Variants in ARID2 observed in about 807,000 individuals in gnomAD.
ARID2 encodes the protein AT-rich interaction domain 2, also known as AT-rich interactive domain-containing protein 2.
In ARID2, 32 loss-of-function variants were observed where a neutral mutation model predicts 184.6. The ratio of observed to expected loss-of-function variants is 0.17; its 90% confidence interval spans 0.13 to 0.23. The LOEUF is 0.23. Among genes scored for constraint, ARID2 ranks in the 10% least tolerant of loss-of-function variants. The pLI, the probability that ARID2 is intolerant of heterozygous loss-of-function variation, is 1.00. For missense variants in ARID2, 1,696 were observed against 2,197.6 expected, an observed-to-expected ratio of 0.77 and a Z score of 4.56; for synonymous variants, 836 against 772.6, an observed-to-expected ratio of 1.08 and a Z score of -1.36.
chr12:45,782,249 T>A (rs1388934810), intron 3 of ARID2, among the ~76,000 whole-genome samples: 1 of 151,964 alleles, frequency 6.6e-6, no homozygotes, highest in African/African-American at 2.4e-5. Flanking sequence ...TATACAACAT[T>A]AGGTGTCAGA....
At position 45,846,906 on chromosome 12, in the gene ARID2, G is replaced by A. The variant is rs1344697337; in HGVS notation, c.1549G>A (p.Glu517Lys). 6.2e-7 allele frequency: 1 copy of A among 1,612,978 alleles called. No homozygotes were observed. The highest frequency in any genetic ancestry group is 8.5e-7 in the Non-Finnish European group (1 of 1,179,342). Residue 517 changes from glutamate (E) to lysine (K), a missense_variant, in exon 12 of 21, where the codon GAA (glutamate) becomes AAA (lysine). Around this residue, in one of 11 missense-constraint regions of ARID2, gnomAD observed 713 missense variants for 824.4 expected, o/e 0.86. Coordinates refer to ENST00000334344, the MANE Select transcript of ARID2 (RefSeq NM_152641.4). The part of the protein sequence containing the change: ...QHVAPPPGIV[E>K]IDSEKFACQW... Reference sequence around the variant, plus strand: ...TGTTGCTCCACCTCCAGGAATAGTGGAAATAGATAGTGAGAAGTTTGCTTG... The same window carrying A: ...TGTTGCTCCACCTCCAGGAATAGTGAAAATAGATAGTGAGAAGTTTGCTTG...
At chr12:45,799,867 T>G (rs1206535434) in intron 3 of ARID2, among the ~76,000 whole-genome samples, 1 of 152,176 alleles carries the variant, frequency 6.6e-6, no homozygotes, top group African/African-American at 2.4e-5. Flanking sequence ...TTTTTCCCCT[T>G]CAGACAAGGT....
At chr12:45,791,757 G>A (rs1283627499) in intron 3 of ARID2, among the ~76,000 whole-genome samples, 4 of 152,052 alleles carry the variant, frequency 2.6e-5, no homozygotes, top group Non-Finnish European at 5.9e-5. Flanking sequence ...CACTGTGCCC[G>A]GCCCAGATTG....
chr12:45,834,613 C>T (rs1038719239), intron 6 of ARID2, among the ~76,000 whole-genome samples: 3 of 152,066 alleles, frequency 2.0e-5, no homozygotes, highest in Non-Finnish European at 2.9e-5. Context: ...CATGGTGGCA[C>T]GCACCTATAA....
rs1273672108 is a variant in ARID2 at position 45,787,218 on chromosome 12, C to CTTTTT, written c.285-24188_285-24184dup. 5.1e-5 allele frequency among the ~76,000 whole-genome samples: 7 copies of CTTTTT among 136,762 alleles called. No homozygotes were observed. In the South Asian group the frequency reaches 1.4e-3, roughly 28 times the overall value. The allele number at this position is 136,762 out of a possible 152,430, so 89.7% of individuals were successfully genotyped here. Reference sequence around the variant, plus strand: ...TCCACAATGTATACCTATTTCTTTTCTTTTTTTTTTTTTTTTAAAGACAGG... The same window carrying CTTTTT: ...TCCACAATGTATACCTATTTCTTTTCTTTTTTTTTTTTTTTTTTTTTAAAGACAGG... On this transcript the variant is annotated intron_variant, in intron 3 of 20. Transcript: ENST00000334344.
intron 3 of ARID2, among the ~76,000 whole-genome samples, chr12:45,759,972 A>G (rs1438157455): frequency 6.6e-6 from 1 of 152,052 alleles, no homozygotes; most frequent in Non-Finnish European, 1.5e-5. Flanking sequence ...AATGATTCTT[A>G]TTTTCTGATC....
intron 3 of ARID2, among the ~76,000 whole-genome samples, chr12:45,783,595 T>G (rs955486664): frequency 2.0e-5 from 3 of 152,216 alleles, no homozygotes; most frequent in Non-Finnish European, 4.4e-5. Context: ...CATCATTAGA[T>G]TCTCATAATG....
intron 3 of ARID2, among the ~76,000 whole-genome samples, chr12:45,741,177 T>C (rs1042928767): frequency 1.3e-5 from 2 of 152,158 alleles, no homozygotes; most frequent in Non-Finnish European, 2.9e-5. Flanking sequence ...GTTTTCTAAC[T>C]CTTATCATTT....
chr12:45,813,710 A>G (rs1356323477), intron 4 of ARID2, among the ~76,000 whole-genome samples: 3 of 152,182 alleles, frequency 2.0e-5, no homozygotes, highest in African/African-American at 7.2e-5. Flanking sequence ...AATATAGAAC[A>G]TCGTACACTG....
chr12:45,849,674 A>G lies in ARID2; in HGVS notation c.1810A>G (p.Ile604Val), dbSNP rs768319234. 14 of 1,613,926 alleles carry G rather than the reference A, an allele frequency of 8.7e-6. No homozygotes were observed. The highest frequency in any genetic ancestry group is 1.2e-5 in the Non-Finnish European group (14 of 1,179,858). Reference protein sequence around the residue: ...IHVVGVKRRAIPLPIQMYYQQ... With the variant: ...IHVVGVKRRAVPLPIQMYYQQ... ...TGTGGTAGGAGTAAAACGGAGGGCTATACCACTTCCCATTCAGATGTACTA... is the reference window on the plus strand; with the variant it reads ...TGTGGTAGGAGTAAAACGGAGGGCTGTACCACTTCCCATTCAGATGTACTA... Residue 604 changes from isoleucine (I) to valine (V), a missense_variant, in exon 14 of 21, where the codon ATA (isoleucine) becomes GTA (valine). This residue lies in a region of ARID2 where 713 missense variants were observed against 824.4 expected (regional missense o/e 0.86). Transcript: ENST00000334344.
chr12:45,831,247 A>G (rs1014921163), intron 6 of ARID2, among the ~76,000 whole-genome samples: 2 of 152,198 alleles, frequency 1.3e-5, no homozygotes, highest in Non-Finnish European at 2.9e-5. Flanking sequence ...ATTCTAATAC[A>G]TACAATTAAG....
At chr12:45,783,580 C>G (rs537870052) in intron 3 of ARID2, among the ~76,000 whole-genome samples, 2 of 152,210 alleles carry the variant, frequency 1.3e-5, no homozygotes, top group Non-Finnish European at 2.9e-5. Context: ...AAGTGCATTA[C>G]GTTACATCAT....
At chr12:45,827,181 C>G (rs1243272937) in intron 6 of ARID2, among the ~76,000 whole-genome samples, 1 of 151,462 alleles carries the variant, frequency 6.6e-6, no homozygotes, top group African/African-American at 2.4e-5. Context: ...AAGAAGTATA[C>G]CATCTTAACT....
chr12:45,758,188 A>T (rs1173946566), intron 3 of ARID2, among the ~76,000 whole-genome samples: 2 of 152,170 alleles, frequency 1.3e-5, no homozygotes, highest in Non-Finnish European at 2.9e-5. Flanking sequence ...TTTTTATGAA[A>T]TTATTAATAT....
At chr12:45,811,397 T>C (rs1942705963) in intron 3 of ARID2, 21 bp from the exon 4 acceptor site, 2 of 1,603,264 alleles carry the variant, frequency 1.2e-6, no homozygotes, top group South Asian at 1.1e-5. Flanking sequence ...AAATGTTTGC[T>C]GTGCTGTTTT....
At chr12:45,746,827 C>T (rs905080633) in intron 3 of ARID2, among the ~76,000 whole-genome samples, 18 of 152,022 alleles carry the variant, frequency 1.2e-4, no homozygotes, top group South Asian at 1.0e-3. Context: ...AGTGCAGTGG[C>T]GCGATCGAGG....
chr12:45,756,375 T>C (rs1565584302), intron 3 of ARID2, among the ~76,000 whole-genome samples: 1 of 152,242 alleles, frequency 6.6e-6, no homozygotes, highest in African/African-American at 2.4e-5. Flanking sequence ...AGGGCTTTTT[T>C]GTTACTTAGA....
intron 3 of ARID2, among the ~76,000 whole-genome samples, chr12:45,743,348 G>A (rs565194179): frequency 6.6e-6 from 1 of 152,190 alleles, no homozygotes; most frequent in Admixed American, 6.5e-5. Flanking sequence ...TAGCCTGGGT[G>A]ACTGAGCAAG....
chr12:45,871,163 G>A (rs1372708622), intron 16 of ARID2, among the ~76,000 whole-genome samples: 1 of 152,194 alleles, frequency 6.6e-6, no homozygotes, highest in Non-Finnish European at 1.5e-5. Context: ...TCTGATAGGT[G>A]TGTGTTGGTA....
Sources: gnomAD v4.1 joint callset for allele counts (sites outside exome capture counted in the v4.1 genomes callset) on GRCh38, gnomAD v4.1.1 for gene constraint, gnomAD v4.1.1 regional missense constraint, MANE v1.5 for transcripts, NCBI Gene and HGNC (gene_info 2026-07-23, HGNC 2026-07-21) for gene names.